Variants in LRRC4C observed in about 807,000 individuals in gnomAD.
LRRC4C encodes leucine-rich repeat-containing protein 4C.
Under a neutral mutation model 33.6 loss-of-function variants are expected in LRRC4C, and 5 were observed. That is an observed-to-expected ratio of 0.15 (90% confidence interval 0.08 to 0.31). The LOEUF is 0.31. Among genes scored for constraint, LRRC4C ranks in the 10% least tolerant of loss-of-function variants. LRRC4C has a pLI of 1.00. For synonymous variants in LRRC4C, 329 were observed against 302.0 expected, an observed-to-expected ratio of 1.09 and a Z score of -0.93; for missense variants, 560 against 796.7, an observed-to-expected ratio of 0.70 and a Z score of 3.58.
chr11:40,778,348 C>T (rs989295671), intron 2 of LRRC4C, among the ~76,000 whole-genome samples: 1 of 152,164 alleles, frequency 6.6e-6, no homozygotes, highest in Non-Finnish European at 1.5e-5. Context: ...CAATTATTAA[C>T]TCAGTTAATC....
intron 3 of LRRC4C, among the ~76,000 whole-genome samples, chr11:40,491,920 C>T (rs1449901901): frequency 6.6e-6 from 1 of 152,148 alleles, no homozygotes; most frequent in Non-Finnish European, 1.5e-5. Context: ...ATTCTGCCTA[C>T]CATACCATAT....
intron 2 of LRRC4C, among the ~76,000 whole-genome samples, chr11:40,759,145 C>A (rs1001469043): frequency 7.6e-5 from 11 of 145,590 alleles, no homozygotes; most frequent in African/African-American, 2.0e-4. Context: ...ATATATCTTC[C>A]ATATATATGT....
At chr11:41,393,188 A>T (rs1247470089) in intron 1 of LRRC4C, among the ~76,000 whole-genome samples, 1 of 151,906 alleles carries the variant, frequency 6.6e-6, no homozygotes, top group Non-Finnish European at 1.5e-5. Context: ...TCTATTAGCC[A>T]AATTTCTTAT....
intron 2 of LRRC4C, among the ~76,000 whole-genome samples, chr11:40,679,679 G>A (rs894793917): frequency 1.3e-5 from 2 of 152,190 alleles, no homozygotes; most frequent in African/African-American, 4.8e-5. Flanking sequence ...TTGAGCCTGT[G>A]AGTACACAGA....
intron 1 of LRRC4C, among the ~76,000 whole-genome samples, chr11:41,182,718 GA>G (rs1355346297): frequency 1.3e-5 from 2 of 151,926 alleles, no homozygotes. Flanking sequence ...AATGCTGATA[GA>G]ACTGTTCAAT....
At chr11:41,001,456 G>A (rs1327829897) in intron 1 of LRRC4C, among the ~76,000 whole-genome samples, 1 of 152,042 alleles carries the variant, frequency 6.6e-6, no homozygotes. Flanking sequence ...AAGGGAGTTG[G>A]TGACAAGTGA....
chr11:40,880,616 A>G (rs1379562725), intron 2 of LRRC4C, among the ~76,000 whole-genome samples: 1 of 151,770 alleles, frequency 6.6e-6, no homozygotes, highest in Non-Finnish European at 1.5e-5. Context: ...AACATATCAA[A>G]TTATTCTTGA....
chr11:41,083,637 C>T (rs559088018), intron 1 of LRRC4C, among the ~76,000 whole-genome samples: 35 of 152,152 alleles, frequency 2.3e-4, no homozygotes, highest in African/African-American at 8.4e-4. Context: ...CTTTGTGAGG[C>T]TTTACAAGAA....
At chr11:40,277,146 T>G (rs1459346307) in intron 4 of LRRC4C, among the ~76,000 whole-genome samples, 1 of 152,086 alleles carries the variant, frequency 6.6e-6, no homozygotes, top group Admixed American at 6.6e-5. Flanking sequence ...GTATGACTGT[T>G]AGTATCACCA....
chr11:40,374,211 G>A (rs773075295), intron 3 of LRRC4C, among the ~76,000 whole-genome samples: 1 of 152,140 alleles, frequency 6.6e-6, no homozygotes, highest in Non-Finnish European at 1.5e-5. Context: ...GGAAAGAAAA[G>A]TTGCTAAATA....
At chr11:41,277,890 G>T (rs746558022) in intron 1 of LRRC4C, among the ~76,000 whole-genome samples, 7 of 151,746 alleles carry the variant, frequency 4.6e-5, no homozygotes, top group Non-Finnish European at 8.8e-5. Context: ...TGGCATTTTG[G>T]TTGCACCTGG....
At position 40,141,496 on chromosome 11, in the gene LRRC4C, G is replaced by A. The variant is rs909759924; in HGVS notation, c.-95-643C>T. 5.9e-5 allele frequency among the ~76,000 whole-genome samples: 9 copies of A among 152,300 alleles called. No individual in the cohort carries two copies. In the South Asian group the frequency reaches 8.3e-4, roughly 14 times the overall value. ...CTCACATTTTACAAAGTATAATGAAGTAAAAGAAACTTGCTGTAATTCCAA... is the reference window on the plus strand; with the variant it reads ...CTCACATTTTACAAAGTATAATGAAATAAAAGAAACTTGCTGTAATTCCAA... On this transcript the variant is annotated intron_variant, in intron 5 of 6. Coordinates refer to ENST00000528697, the MANE Select transcript of LRRC4C (RefSeq NM_001258419.2).
chr11:40,690,150 A>C (rs1945159367), intron 2 of LRRC4C, among the ~76,000 whole-genome samples: 1 of 152,068 alleles, frequency 6.6e-6, no homozygotes, highest in Non-Finnish European at 1.5e-5. Flanking sequence ...CCTAAAAATA[A>C]TTACAATGAT....
intron 1 of LRRC4C, among the ~76,000 whole-genome samples, chr11:41,087,654 ATCTCT>A (rs1436961106): frequency 7.9e-5 from 12 of 152,064 alleles, no homozygotes; most frequent in African/African-American, 2.9e-4. Flanking sequence ...ATTGTAATAA[ATCTCT>A]TCTCAGTGCT....
At chr11:40,771,062 G>T (rs191574065) in intron 2 of LRRC4C, among the ~76,000 whole-genome samples, 109 of 152,268 alleles carry the variant, frequency 7.2e-4, no homozygotes, top group Non-Finnish European at 1.2e-3. Flanking sequence ...CTCAGTGTGG[G>T]GACTCTGAAC....
chr11:40,187,777 T>C (rs1401212577), intron 5 of LRRC4C, among the ~76,000 whole-genome samples: 1 of 152,126 alleles, frequency 6.6e-6, no homozygotes, highest in African/African-American at 2.4e-5. Flanking sequence ...ATGACTTTCA[T>C]AGATGAGGAG....
intron 2 of LRRC4C, among the ~76,000 whole-genome samples, chr11:40,779,887 A>G (rs1429848743): frequency 6.6e-6 from 1 of 152,156 alleles, no homozygotes; most frequent in Non-Finnish European, 1.5e-5. Context: ...CTAAAGTGAT[A>G]ATCCTTTAGA....
chr11:40,929,091 C>T (rs912691940), intron 2 of LRRC4C, among the ~76,000 whole-genome samples: 1 of 152,122 alleles, frequency 6.6e-6, no homozygotes, highest in East Asian at 1.9e-4. Context: ...CTGAATTCTT[C>T]ACAAATGGAA....
chr11:40,486,357 G>T (rs1953864548), intron 3 of LRRC4C, among the ~76,000 whole-genome samples: 1 of 151,920 alleles, frequency 6.6e-6, no homozygotes. Flanking sequence ...ATCTGATAAA[G>T]TTGAAACATA....
Sources: allele counts gnomAD v4.1 joint callset (sites outside exome capture counted in the v4.1 genomes callset), GRCh38; gene constraint gnomAD v4.1.1; transcripts MANE v1.5; gene names NCBI Gene and HGNC (gene_info 2026-07-23, HGNC 2026-07-21).